CA8: variants seen among roughly 807,000 people sequenced by gnomAD.
The protein encoded by CA8 is carbonic anhydrase-related protein.
Under a neutral mutation model 41.4 loss-of-function variants are expected in CA8, and 22 were observed. The ratio of observed to expected loss-of-function variants is 0.53; its 90% CI spans 0.38 to 0.76. The LOEUF is 0.76. Ranked by LOEUF, CA8 falls within the 30% of genes least tolerant of loss-of-function variation. The pLI is 0.00. For missense variants in CA8, 270 were observed against 352.8 expected, an observed-to-expected ratio of 0.77 and a Z score of 1.88; for synonymous variants, 121 against 130.6, an observed-to-expected ratio of 0.93 and a Z score of 0.50.
chr8:60,210,575 T>TC (rs1303047776), intron 7 of CA8, among the ~76,000 whole-genome samples: 2 of 151,800 alleles, frequency 1.3e-5, no homozygotes, highest in Non-Finnish European at 2.9e-5. Flanking sequence ...AACGGATAGT[T>TC]CAATTAGAAT....
intron 6 of CA8, among the ~76,000 whole-genome samples, chr8:60,224,212 G>T (rs1217046891): frequency 1.3e-5 from 2 of 152,188 alleles, no homozygotes; most frequent in African/African-American, 2.4e-5. Flanking sequence ...CTCCTGAGTA[G>T]CTGGGATTAC....
chr8:60,252,346 G>A (rs1808483695), intron 3 of CA8, among the ~76,000 whole-genome samples: 1 of 152,234 alleles, frequency 6.6e-6, no homozygotes, highest in Non-Finnish European at 1.5e-5. Context: ...GGAAACTCAG[G>A]CAGAGGCATA....
At chr8:60,238,108 G>A (rs1292212385) in intron 3 of CA8, among the ~76,000 whole-genome samples, 7 of 152,202 alleles carry the variant, frequency 4.6e-5, no homozygotes, top group South Asian at 2.1e-4. Context: ...CGTTCAAAAC[G>A]TTCATCTTAA....
At chr8:60,198,857 A>C (rs1248889510) in intron 8 of CA8, among the ~76,000 whole-genome samples, 2 of 152,168 alleles carry the variant, frequency 1.3e-5, no homozygotes, top group Non-Finnish European at 2.9e-5. Flanking sequence ...GATTAATAAC[A>C]CTGTTATTCT....
At chr8:60,242,238 T>C (rs778316735) in intron 3 of CA8, among the ~76,000 whole-genome samples, 3 of 152,214 alleles carry the variant, frequency 2.0e-5, no homozygotes, top group Non-Finnish European at 2.9e-5. Flanking sequence ...TGATATGACA[T>C]TTTCTGCCAA....
In CA8 at chr8:60,222,644, C is replaced by G. The variant is rs1807291031; in HGVS notation, c.738+5G>C. On this transcript the variant is annotated splice_donor_5th_base_variant and intron_variant, in intron 7 of 8. Transcript: ENST00000317995. The stretch of plus-strand genomic sequence containing the variant: ...ACTCTGAAAGATTCAAAGTAGCACA[C>G]TCACCTGTAGCTGGGATATAGTTAA... The G allele has an allele frequency of 6.6e-7, 1 of 1,516,960 alleles. No homozygotes were observed. The highest frequency in any genetic ancestry group is 9.2e-7 in the Non-Finnish European group (1 of 1,091,310). 94.0% of individuals were successfully genotyped at this position (1,516,960 alleles called of 1,614,324 possible).
intron 3 of CA8, among the ~76,000 whole-genome samples, chr8:60,236,537 A>C (rs1392134739): frequency 6.6e-6 from 1 of 152,232 alleles, no homozygotes. Context: ...GATGACGACT[A>C]ATACCAATGG....
intron 8 of CA8, among the ~76,000 whole-genome samples, chr8:60,192,913 C>G (rs1331820910): frequency 6.3e-5 from 9 of 142,412 alleles, no homozygotes; most frequent in Non-Finnish European, 1.4e-4. Flanking sequence ...AAGATTTGAC[C>G]CTCTTTCCTC....
At chr8:60,227,006 A>C in intron 4 of CA8, 71 bp from the exon 5 acceptor site, 4 of 1,087,152 alleles carry the variant, frequency 3.7e-6, no homozygotes, top group Non-Finnish European at 5.7e-6. Flanking sequence ...AAAAAAACTA[A>C]TAGGGCTGAG....
At chr8:60,269,233 A>G (rs530511570) in intron 2 of CA8, among the ~76,000 whole-genome samples, 1 of 152,204 alleles carries the variant, frequency 6.6e-6, no homozygotes, top group African/African-American at 2.4e-5. Flanking sequence ...TTTACTGCTT[A>G]CATTTTTTTA....
intron 3 of CA8, 44 bp downstream of exon 3, chr8:60,265,881 T>C (rs370753368): frequency 1.2e-5 from 20 of 1,601,148 alleles, no homozygotes; most frequent in Non-Finnish European, 1.5e-5. Context: ...CTGAATACTT[T>C]ATTCAGAAAA....
chr8:60,233,574 T>C (rs10093017), intron 3 of CA8, among the ~76,000 whole-genome samples: 53,286 of 151,950 alleles, frequency 0.35, 9,851 homozygotes, highest in Admixed American at 0.43. Flanking sequence ...TTTAAGAAAA[T>C]GATGTCCTAT....
chr8:60,220,046 T>C (rs1255307123), intron 7 of CA8, among the ~76,000 whole-genome samples: 1 of 152,000 alleles, frequency 6.6e-6, no homozygotes, highest in Non-Finnish European at 1.5e-5. Context: ...TCCATATTTA[T>C]GCTTGGTCCC....
At chr8:60,251,521 C>T (rs1396199411) in intron 3 of CA8, among the ~76,000 whole-genome samples, 1 of 152,244 alleles carries the variant, frequency 6.6e-6, no homozygotes, top group Non-Finnish European at 1.5e-5. Context: ...CCGACACTGC[C>T]ATGTCATTTA....
At chr8:60,270,589 T>A (rs1585931012) in intron 2 of CA8, among the ~76,000 whole-genome samples, 1 of 152,150 alleles carries the variant, frequency 6.6e-6, no homozygotes, top group East Asian at 1.9e-4. Context: ...CTAATTTTTG[T>A]ATTTTTACTA....
chr8:60,198,597 G>T (rs556395666), intron 8 of CA8, among the ~76,000 whole-genome samples: 1 of 152,060 alleles, frequency 6.6e-6, no homozygotes, highest in African/African-American at 2.4e-5. Context: ...CTGGTGTGTT[G>T]TAAGGGTGAT....
At chr8:60,255,908 ATT>A (rs35554184) in intron 3 of CA8, among the ~76,000 whole-genome samples, 107 of 143,332 alleles carry the variant, frequency 7.5e-4, no homozygotes, top group African/African-American at 2.4e-3. Context: ...TACGCTATTA[ATT>A]TTTTTTTTTT....
chr8:60,224,593 A>G lies in CA8; in HGVS notation c.577-8T>C. 1 of 1,495,032 alleles carries G rather than the reference A, an allele frequency of 6.7e-7. No homozygotes were observed. The highest frequency in any genetic ancestry group is 1.1e-5 in the South Asian group (1 of 87,824). 92.6% of individuals were successfully genotyped at this position (1,495,032 alleles called of 1,614,324 possible). A position where few individuals can be genotyped will look rare whatever the true frequency, so the allele number is the denominator to read the frequency against. On this transcript the variant is annotated splice_polypyrimidine_tract_variant and splice_region_variant and intron_variant, in intron 5 of 8. Transcript: ENST00000317995. ...TATTGTTTTGGACTTCCCCTGAAAAAGAAAAAAATATTTACCCAATGTTAA... is the reference window on the plus strand; with the variant it reads ...TATTGTTTTGGACTTCCCCTGAAAAGGAAAAAAATATTTACCCAATGTTAA...
chr8:60,237,948 C>CTT (rs960719594), intron 3 of CA8, among the ~76,000 whole-genome samples: 1 of 152,192 alleles, frequency 6.6e-6, no homozygotes, highest in Non-Finnish European at 1.5e-5. Context: ...ACCATTATGT[C>CTT]TTCTGTTAAA....
Sources: allele counts gnomAD v4.1 joint callset (sites outside exome capture counted in the v4.1 genomes callset), GRCh38; gene constraint gnomAD v4.1.1; transcripts MANE v1.5; gene names NCBI Gene and HGNC (gene_info 2026-07-23, HGNC 2026-07-21).